Variants in FAM135B observed in about 807,000 individuals in gnomAD.
The protein encoded by FAM135B is protein FAM135B.
FAM135B carries 43 observed loss-of-function variants against 127.7 expected under a neutral mutation model. The observed-to-expected ratio is 0.34, with a 90% CI of 0.26 to 0.43. The LOEUF (loss-of-function observed/expected upper bound fraction) is 0.43. FAM135B is among the 20% of genes least tolerant of loss of function. The pLI is 1.00. For missense variants in FAM135B, 1,558 were observed against 1,725.6 expected (o/e 0.90, Z 1.72); for synonymous variants, 670 against 665.1 (o/e 1.01, Z -0.11).
rs139672986 is a variant in FAM135B at position 138,252,375 on chromosome 8, T to C, written c.369-1361A>G. The stretch of plus-strand genomic sequence containing the variant: ...CCAGGTCTTCCTGATTCACAGTTGT[T>C]TCTGAGTTACTGCTCACTATTGCTT... On this transcript the variant is annotated intron_variant, in intron 5 of 19. Transcript: ENST00000395297. Among the ~76,000 whole-genome samples the C allele has an allele frequency of 8.3e-4, 127 of 152,314 alleles. No homozygotes were observed. The Middle Eastern group carries it at 0.014, about 16-fold the overall frequency.
Position 138,247,052 on chromosome 8 carries a change from T to C in FAM135B, c.542+3789A>G, listed in dbSNP as rs189391137. On this transcript the variant is annotated intron_variant, in intron 6 of 19. Transcript: ENST00000395297. ...ACTTGGAACAGCTGTATTTACCCAA[T>C]GCCTGTACCCCCAATGTATCTAGGA... Among the ~76,000 whole-genome samples, 120 of 152,370 alleles carry C rather than the reference T, an allele frequency of 7.9e-4. No individual in the cohort carries two copies. In the Middle Eastern group the frequency reaches 0.01, roughly 13 times the overall value.
chr8:138,355,522 A>AC (rs1830039901), intron 2 of FAM135B, among the ~76,000 whole-genome samples: 1 of 152,146 alleles, frequency 6.6e-6, no homozygotes, highest in Non-Finnish European at 1.5e-5. Context: ...GACCATGATC[A>AC]CTTCTGAGGA....
chr8:138,432,647 C>G (rs1835258664), intron 1 of FAM135B, among the ~76,000 whole-genome samples: 1 of 152,014 alleles, frequency 6.6e-6, no homozygotes, highest in Non-Finnish European at 1.5e-5. Flanking sequence ...CCCATCTAAT[C>G]ATCACTAACA....
intron 12 of FAM135B, among the ~76,000 whole-genome samples, chr8:138,154,173 C>A (rs1485911898): frequency 6.6e-6 from 1 of 152,146 alleles, no homozygotes; most frequent in Non-Finnish European, 1.5e-5. Context: ...CCCAGGCAAA[C>A]AGGATCTGGA....
rs371082087 is a variant in FAM135B at position 138,151,690 on chromosome 8, G to T, written c.2785C>A (p.Leu929Ile). ...AATTCAGGCACCTGATGTTGAGAGA[G>T]ACCCTCAACCTCTGAGATGCCACTG... Reference protein sequence around the residue: ...SNSGISEVEGLSQHQVPELSC... With the variant: ...SNSGISEVEGISQHQVPELSC... The change falls in exon 13 of 20, where the codon CTC becomes ATC. Residue 929 changes from leucine (L) to isoleucine (I), a missense_variant. Physicochemically the swap from Leu to Ile is conservative, Grantham distance 5 (BLOSUM62 2). Around this residue, in one of 5 missense-constraint regions of FAM135B, gnomAD observed 923 missense variants for 865.3 expected, o/e 1.07. Transcript: ENST00000395297. 6.2e-7 allele frequency: 1 copy of T among 1,614,078 alleles called. No homozygotes were observed. The highest frequency in any genetic ancestry group is 8.5e-7 in the Non-Finnish European group (1 of 1,180,060).
chr8:138,270,523 G>A (rs1457538497), intron 3 of FAM135B, among the ~76,000 whole-genome samples: 1 of 152,196 alleles, frequency 6.6e-6, no homozygotes, highest in East Asian at 1.9e-4. Context: ...TTGGTTCACT[G>A]TGTGCTGCAA....
chr8:138,320,829 C>G (rs1241481911), intron 2 of FAM135B, among the ~76,000 whole-genome samples: 2 of 152,134 alleles, frequency 1.3e-5, no homozygotes, highest in African/African-American at 2.4e-5. Flanking sequence ...CAATGGTGTT[C>G]TACAATTCAA....
intron 1 of FAM135B, among the ~76,000 whole-genome samples, chr8:138,374,993 AAC>A (rs1831372752): frequency 6.6e-6 from 1 of 150,898 alleles, no homozygotes; most frequent in South Asian, 2.1e-4. Flanking sequence ...TAACAACAAC[AAC>A]AACAACAACA....
intron 1 of FAM135B, among the ~76,000 whole-genome samples, chr8:138,375,001 C>CAACAAA (rs1311582425): frequency 2.0e-5 from 3 of 151,444 alleles, no homozygotes; most frequent in African/African-American, 7.3e-5. Flanking sequence ...ACAACAACAA[C>CAACAAA]AACAACAACA....
intron 11 of FAM135B, among the ~76,000 whole-genome samples, chr8:138,171,992 T>C (rs1340084727): frequency 6.6e-6 from 1 of 152,170 alleles, no homozygotes; most frequent in Admixed American, 6.5e-5. Flanking sequence ...ATGGTGCATA[T>C]ATGGGAATGT....
chr8:138,148,753 G>T, intron 13 of FAM135B, 67 bp from the exon 14 acceptor site: 2 of 1,294,538 alleles, frequency 1.5e-6, no homozygotes, highest in Non-Finnish European at 2.1e-6. Context: ...AATGAGCTGG[G>T]CTGGTATGTA....
chr8:138,292,519 A>G (rs1300359272), intron 3 of FAM135B, among the ~76,000 whole-genome samples: 2 of 152,166 alleles, frequency 1.3e-5, no homozygotes, highest in African/African-American at 2.4e-5. Flanking sequence ...GGATAGGAAG[A>G]ATCAATATCA....
Position 138,178,403 on chromosome 8 carries a change from A to G in FAM135B, c.1029+132T>C, listed in dbSNP as rs1814689602. On this transcript the variant is annotated intron_variant, in intron 10 of 19. Coordinates refer to ENST00000395297, the MANE Select transcript of FAM135B (RefSeq NM_015912.4). Reference sequence around the variant, plus strand: ...AAGGAAGTTCACAACGCCACCCTGCACGGTCATGGTAGAGACACGAAAGCA... The same window carrying G: ...AAGGAAGTTCACAACGCCACCCTGCGCGGTCATGGTAGAGACACGAAAGCA... 1.1e-5 allele frequency: 11 copies of G among 1,002,426 alleles called. No homozygotes were observed. The East Asian group carries it at 2.8e-4, about 25-fold the overall frequency. The allele number at this position is 1,002,426 out of a possible 1,614,324, so 62.1% of individuals were successfully genotyped here.
intron 2 of FAM135B, among the ~76,000 whole-genome samples, chr8:138,316,601 G>T (rs117769859): frequency 0.022 from 3,384 of 152,336 alleles, 119 homozygotes; most frequent in East Asian, 0.14. Context: ...TGGCAATTAT[G>T]CAGGCAAAGT....
chr8:138,417,031 G>A (rs1322117983), intron 1 of FAM135B, among the ~76,000 whole-genome samples: 1 of 152,162 alleles, frequency 6.6e-6, no homozygotes, highest in Non-Finnish European at 1.5e-5. Flanking sequence ...CCAGAGAGAT[G>A]GCAGAGACAG....
At chr8:138,189,770 T>C (rs1815944381) in intron 9 of FAM135B, among the ~76,000 whole-genome samples, 1 of 152,134 alleles carries the variant, frequency 6.6e-6, no homozygotes, top group African/African-American at 2.4e-5. Flanking sequence ...TACGCTCCAG[T>C]TCCTGCCCAC....
At chr8:138,389,565 A>G (rs1832420482) in intron 1 of FAM135B, among the ~76,000 whole-genome samples, 1 of 152,214 alleles carries the variant, frequency 6.6e-6, no homozygotes, top group Non-Finnish European at 1.5e-5. Flanking sequence ...GAAGCCAAAC[A>G]CAAAAGGACA....
At position 138,481,016 on chromosome 8, in the gene FAM135B, G is replaced by C. The variant is rs74694181; in HGVS notation, c.-20+15655C>G. ...TGTGTTTGAACACATTGTTTAGAAG[G>C]GAAAAGAAAAAGAAACTACTGTCTG... On this transcript the variant is annotated intron_variant, in intron 1 of 19. Coordinates refer to ENST00000395297, the MANE Select transcript of FAM135B (RefSeq NM_015912.4). Among the ~76,000 whole-genome samples the C allele has an allele frequency of 3.3e-3, 500 of 152,188 alleles. 1 individual carries two copies. The highest frequency in any genetic ancestry group is 5.9e-3 in the Non-Finnish European group (404 of 67,990).
chr8:138,319,167 C>T (rs1040814840), intron 2 of FAM135B, among the ~76,000 whole-genome samples: 7 of 151,936 alleles, frequency 4.6e-5, no homozygotes, highest in Admixed American at 3.3e-4. Context: ...AGTGCAGTGG[C>T]GCAATCTTGG....
Sources: allele counts gnomAD v4.1 joint callset (sites outside exome capture counted in the v4.1 genomes callset), GRCh38; gene constraint gnomAD v4.1.1; regional missense constraint gnomAD v4.1.1; transcripts MANE v1.5; gene names NCBI Gene and HGNC (gene_info 2026-07-23, HGNC 2026-07-21).